The following RGS3 variants were observed in gnomAD, a reference collection of about 807,000 sequenced individuals.
The protein encoded by RGS3 is regulator of G protein signaling 3.
Under a neutral mutation model 132.6 loss-of-function variants are expected in RGS3, and 80 were observed. The ratio of observed to expected loss-of-function variants is 0.60; its 90% CI spans 0.50 to 0.73. RGS3 has a LOEUF of 0.73. RGS3 is among the 30% of genes least tolerant of loss of function. RGS3 has a pLI of 0.00. For missense variants in RGS3, 1,382 were observed against 1,530.8 expected (o/e 0.90, Z 1.62); for synonymous variants, 598 against 620.6 (o/e 0.96, Z 0.54).
At chr9:113,526,648 A>G (rs1588203657) in intron 17 of RGS3, among the ~76,000 whole-genome samples, 1 of 152,260 alleles carries the variant, frequency 6.6e-6, no homozygotes, top group African/African-American at 2.4e-5. Flanking sequence ...TGGATCTCAG[A>G]TCAGGTGAGA....
chr9:113,528,594 G>A (rs1229268019), intron 17 of RGS3, among the ~76,000 whole-genome samples: 1 of 152,200 alleles, frequency 6.6e-6, no homozygotes, highest in East Asian at 1.9e-4. Context: ...GGAGGCAGTT[G>A]CTGACAGCCC....
At chr9:113,568,464 A>T (rs79537389) in intron 19 of RGS3, among the ~76,000 whole-genome samples, 1,881 of 152,290 alleles carry the variant, frequency 0.012, 68 homozygotes, top group East Asian at 0.12. Flanking sequence ...GCAACTAGGG[A>T]CTGGACCAAG....
chr9:113,565,205 G>A lies in RGS3; in HGVS notation c.2038-18245G>A. 27 of 1,254,014 alleles carry A rather than the reference G, an allele frequency of 2.2e-5. 1 individual carries two copies. In the South Asian group the frequency reaches 3.5e-4, roughly 16 times the overall value. The allele number at this position is 1,254,014 out of a possible 1,614,324, so 77.7% of individuals were successfully genotyped here. A position where few individuals can be genotyped will look rare whatever the true frequency, so the allele number is the denominator to read the frequency against. On this transcript the variant is annotated intron_variant, in intron 19 of 24. Transcript: ENST00000350696. This position sits in a 1 kb window ranked among gnomAD's most constrained non-coding sequence, Gnocchi z 5.7. Reference sequence around the variant, plus strand: ...CGGGAGCCAGCTGGGCCCCTCGCGGGGTGGGCAGAAGGACGGGCTGGCCCA... The same window carrying A: ...CGGGAGCCAGCTGGGCCCCTCGCGGAGTGGGCAGAAGGACGGGCTGGCCCA...
At chr9:113,487,580 T>C (rs1397064154) in intron 7 of RGS3, among the ~76,000 whole-genome samples, 2 of 152,122 alleles carry the variant, frequency 1.3e-5, no homozygotes, top group Non-Finnish European at 2.9e-5. Flanking sequence ...GTCTTTCCTC[T>C]CAACACTGTA....
chr9:113,595,493 G>T, intron 23 of RGS3, 106 bp from the exon 22 acceptor site: 1 of 1,289,944 alleles, frequency 7.8e-7, no homozygotes. Flanking sequence ...ATTGTACTCA[G>T]CTCCCAGCAC....
intron 20 of RGS3, among the ~76,000 whole-genome samples, chr9:113,584,987 A>T (rs1161744685): frequency 6.6e-6 from 1 of 152,224 alleles, no homozygotes; most frequent in African/African-American, 2.4e-5. Flanking sequence ...CTAGAATTAG[A>T]ATCTGGTTCC....
chr9:113,470,361 G>A (rs1259615642), intron 3 of RGS3, among the ~76,000 whole-genome samples: 1 of 152,164 alleles, frequency 6.6e-6, no homozygotes, highest in Non-Finnish European at 1.5e-5. Context: ...AATTCCCACT[G>A]TGATTGTAAA....
Position 113,463,592 on chromosome 9 carries a change from C to G in RGS3, c.415+1391C>G, listed in dbSNP as rs375515930. On this transcript the variant is annotated intron_variant, in intron 3 of 24. Transcript: ENST00000350696. The surrounding 1 kb of genome is among the most constrained non-coding windows in gnomAD (Gnocchi z 4.6). ...CGCGGGTCGGCGGCGCCGCCTCCCC[C>G]ACCCCGGCCCAGCTCTGCTCCGGCA... 1.3e-4 allele frequency: 125 copies of G among 980,844 alleles called. 1 individual carries two copies. In the East Asian group the frequency reaches 1.5e-3, roughly 12 times the overall value. 60.8% of individuals were successfully genotyped at this position (980,844 alleles called of 1,614,324 possible). A position where few individuals can be genotyped will look rare whatever the true frequency, so the allele number is the denominator to read the frequency against.
At chr9:113,481,872 C>A (rs1830169478) in intron 4 of RGS3, among the ~76,000 whole-genome samples, 2 of 152,198 alleles carry the variant, frequency 1.3e-5, no homozygotes, top group Middle Eastern at 3.4e-3. Flanking sequence ...CATGGAGAAA[C>A]CTTCTCTCCA....
intron 7 of RGS3, among the ~76,000 whole-genome samples, chr9:113,490,640 G>T (rs1830474189): frequency 8.9e-6 from 1 of 112,654 alleles, no homozygotes; most frequent in African/African-American, 3.9e-5. Context: ...CAAAGATTAT[G>T]TTCAATATAT....
intron 6 of RGS3, among the ~76,000 whole-genome samples, chr9:113,484,633 C>T (rs1830273614): frequency 6.6e-6 from 1 of 152,196 alleles, no homozygotes; most frequent in South Asian, 2.1e-4. Context: ...AACTTTCTAA[C>T]CTCTCTGAGC....
At chr9:113,505,360 G>C (rs1484771928) in intron 10 of RGS3, 82 bp from the exon 9 acceptor site, 18 of 1,227,856 alleles carry the variant, frequency 1.5e-5, no homozygotes, top group Non-Finnish European at 2.0e-5. Flanking sequence ...TCTTGGCAGG[G>C]GTGGGCTGTG....
At position 113,463,009 on chromosome 9, in the gene RGS3, C is replaced by A. The variant is rs1205238718; in HGVS notation, c.415+808C>A. 6.6e-6 allele frequency among the ~76,000 whole-genome samples: 1 copy of A among 152,198 alleles called. No homozygotes were observed. The highest frequency in any genetic ancestry group is 1.5e-5 in the Non-Finnish European group (1 of 68,038). ...ACAAAGCAGCAAAGCAGGGTTTGACCTTCCAGCTCTGCCTCCCCGCACCAG... is the reference window on the plus strand; with the variant it reads ...ACAAAGCAGCAAAGCAGGGTTTGACATTCCAGCTCTGCCTCCCCGCACCAG... On this transcript the variant is annotated intron_variant, in intron 3 of 24. Coordinates refer to ENST00000350696, the Ensembl canonical transcript of RGS3. The surrounding 1 kb of genome is among the most constrained non-coding windows in gnomAD (Gnocchi z 4.6).
intron 21 of RGS3, chr9:113,594,118 C>G: frequency 6.2e-7 from 1 of 1,613,124 alleles, no homozygotes; most frequent in Non-Finnish European, 8.5e-7. Flanking sequence ...CCGGCTTGTG[C>G]CTGGGAGTCC....
chr9:113,507,259 CCTGT>C lies in RGS3; in HGVS notation c.1086-23_1086-20del. On this transcript the variant is annotated intron_variant, in intron 12 of 24. Coordinates refer to ENST00000350696, the Ensembl canonical transcript of RGS3. This position sits in a 1 kb window ranked among gnomAD's most constrained non-coding sequence, Gnocchi z 5.0. ...TGATACTGGCTTTCCCCAGGCTCAA[CCTGT>C]CTGTGTGATCCCCCACCTTCCAGGA... The C allele has an allele frequency of 6.4e-7, 1 of 1,568,368 alleles. No individual in the cohort carries two copies. Among genetic ancestry groups the C allele is most frequent in the Non-Finnish European group, 8.7e-7 (1 of 1,152,372 alleles).
At chr9:113,564,968 C>G in intron 19 of RGS3, 1 of 1,021,272 alleles carries the variant, frequency 9.8e-7, no homozygotes, top group African/African-American at 1.7e-5. Flanking sequence ...CAGGGAGCGG[C>G]TGCCAGCAGG....
At chr9:113,528,286 C>T (rs964098945) in intron 17 of RGS3, among the ~76,000 whole-genome samples, 1 of 152,194 alleles carries the variant, frequency 6.6e-6, no homozygotes. Flanking sequence ...GGACCGTGCC[C>T]AGACAAGTGA....
chr9:113,463,962 G>C lies in RGS3; in HGVS notation c.415+1761G>C, dbSNP rs1387490087. 2 of 1,460,592 alleles carry C rather than the reference G, an allele frequency of 1.4e-6. No individual in the cohort carries two copies. Among genetic ancestry groups the C allele is most frequent in the African/African-American group, 2.8e-5 (2 of 70,458 alleles). The allele number at this position is 1,460,592 out of a possible 1,614,324, so 90.5% of individuals were successfully genotyped here. ...AGAAACGCAGCCCCTCGTGGTGACA[G>C]GGGAGGCTGGGAGCAGGTGCTCTTT... is the stretch of plus-strand genomic sequence containing the variant. On this transcript the variant is annotated intron_variant, in intron 3 of 24. Transcript: ENST00000350696. The surrounding 1 kb of genome is among the most constrained non-coding windows in gnomAD (Gnocchi z 4.6).
At position 113,506,576 on chromosome 9, in the gene RGS3, C is replaced by T. The variant is rs573121577; in HGVS notation, c.1085+83C>T. On this transcript the variant is annotated intron_variant, in intron 12 of 24. Coordinates refer to ENST00000350696, the Ensembl canonical transcript of RGS3. This position sits in a 1 kb window ranked among gnomAD's most constrained non-coding sequence, Gnocchi z 4.7. Reference sequence around the variant, plus strand: ...CCTGGGCACACTGCCTTGCCTGGCCCAGCTCTTGCTGCTCCCTCTTTTGCC... The same window carrying T: ...CCTGGGCACACTGCCTTGCCTGGCCTAGCTCTTGCTGCTCCCTCTTTTGCC... The T allele has an allele frequency of 3.3e-5, 29 of 868,150 alleles. No individual in the cohort carries two copies. In the South Asian group the frequency reaches 4.0e-4, roughly 12 times the overall value. The allele number at this position is 868,150 out of a possible 1,614,324, so 53.8% of individuals were successfully genotyped here.
Sources: allele counts gnomAD v4.1 joint callset (sites outside exome capture counted in the v4.1 genomes callset), GRCh38; gene constraint gnomAD v4.1.1; non-coding constraint Gnocchi (gnomAD v3.1); transcripts MANE v1.5; gene names NCBI Gene and HGNC (gene_info 2026-07-23, HGNC 2026-07-21).